Variants in TCERG1L observed in about 807,000 individuals in gnomAD.
TCERG1L encodes the protein transcription elongation regulator 1-like protein.
A neutral mutation model predicts 56.3 loss-of-function variants in TCERG1L; 37 were observed. That is an observed-to-expected ratio of 0.66 (90% CI 0.51 to 0.87). TCERG1L has a LOEUF of 0.87. Among genes scored for constraint, TCERG1L ranks in the 40% least tolerant of loss-of-function variants. The probability of loss-of-function intolerance (pLI) is 0.00; values close to 1 mark genes in which losing one functional copy is unlikely to be tolerated. For synonymous variants in TCERG1L, 324 were observed against 326.3 expected (o/e 0.99, Z 0.08); for missense variants, 799 against 774.2 (o/e 1.03, Z -0.38).
chr10:131,250,756 A>G (rs1846101432), intron 4 of TCERG1L, among the ~76,000 whole-genome samples: 1 of 152,120 alleles, frequency 6.6e-6, no homozygotes, highest in Non-Finnish European at 1.5e-5. Flanking sequence ...GGGAGTGAGA[A>G]GTTCTGCCTG....
At chr10:131,105,880 G>A (rs944325375) in intron 9 of TCERG1L, among the ~76,000 whole-genome samples, 3 of 152,210 alleles carry the variant, frequency 2.0e-5, no homozygotes, top group Non-Finnish European at 2.9e-5. Flanking sequence ...GCGAGCTCCC[G>A]TGGTGGGTTC....
At chr10:131,197,098 G>A (rs925736770) in intron 4 of TCERG1L, among the ~76,000 whole-genome samples, 1 of 152,036 alleles carries the variant, frequency 6.6e-6, no homozygotes, top group African/African-American at 2.4e-5. Flanking sequence ...CAGTGCCAGG[G>A]ACCAGAAGTT....
chr10:131,215,454 T>A (rs1845660603), intron 4 of TCERG1L, among the ~76,000 whole-genome samples: 1 of 152,166 alleles, frequency 6.6e-6, no homozygotes, highest in African/African-American at 2.4e-5. Context: ...TCCACGTAAT[T>A]GGTAAAAGCC....
chr10:131,275,019 C>T (rs1372625978), intron 3 of TCERG1L, among the ~76,000 whole-genome samples: 2 of 152,242 alleles, frequency 1.3e-5, no homozygotes, highest in East Asian at 1.9e-4. Context: ...ATCCTGATCT[C>T]GGGCCACTGA....
intron 4 of TCERG1L, among the ~76,000 whole-genome samples, chr10:131,256,993 GAAAGA>G (rs1564827182): frequency 1.7e-5 from 1 of 59,998 alleles, no homozygotes; most frequent in African/African-American, 6.5e-5. Context: ...AGGAAGGAAG[GAAAGA>G]AAGAAAGAAA....
intron 3 of TCERG1L, among the ~76,000 whole-genome samples, chr10:131,273,806 G>C (rs1846365460): frequency 6.6e-6 from 1 of 152,178 alleles, no homozygotes; most frequent in Non-Finnish European, 1.5e-5. Flanking sequence ...GAGCCAAACG[G>C]AGCTCTGGTG....
chr10:131,219,129 C>T (rs572908836), intron 4 of TCERG1L, among the ~76,000 whole-genome samples: 3 of 152,246 alleles, frequency 2.0e-5, no homozygotes, highest in South Asian at 2.1e-4. Flanking sequence ...AGGCTCCGTC[C>T]CGCAGTCATG....
intron 4 of TCERG1L, among the ~76,000 whole-genome samples, chr10:131,221,240 G>C (rs1845728770): frequency 6.6e-6 from 1 of 152,238 alleles, no homozygotes; most frequent in South Asian, 2.1e-4. Context: ...TGCTGCTGCG[G>C]GGTGGGAGGC....
At chr10:131,193,037 A>G (rs1296296341) in intron 4 of TCERG1L, among the ~76,000 whole-genome samples, 1 of 152,200 alleles carries the variant, frequency 6.6e-6, no homozygotes, top group Non-Finnish European at 1.5e-5. Flanking sequence ...TAAATAAATA[A>G]ATAATAGTTA....
At chr10:131,291,363 TTTAATAATCTCA>T (rs1846619968) in intron 3 of TCERG1L, among the ~76,000 whole-genome samples, 1 of 146,622 alleles carries the variant, frequency 6.8e-6, no homozygotes, top group Non-Finnish European at 1.5e-5. Context: ...GATAGATACC[TTTAATAATCTCA>T]TGTGTATATT....
intron 4 of TCERG1L, among the ~76,000 whole-genome samples, chr10:131,242,308 G>A (rs377680614): frequency 6.6e-6 from 1 of 152,274 alleles, no homozygotes; most frequent in African/African-American, 2.4e-5. Context: ...GAAAAAGGAC[G>A]AGAAATAGAA....
intron 4 of TCERG1L, among the ~76,000 whole-genome samples, chr10:131,187,014 T>A (rs1845251686): frequency 6.6e-6 from 1 of 152,184 alleles, no homozygotes; most frequent in South Asian, 2.1e-4. Context: ...CTGCCCTTCA[T>A]CCCACAGGAG....
intron 4 of TCERG1L, among the ~76,000 whole-genome samples, chr10:131,167,282 A>C (rs1846040993): frequency 6.6e-6 from 1 of 152,306 alleles, no homozygotes; most frequent in East Asian, 1.9e-4. Context: ...ATCTGGTGAC[A>C]ATCACCAGGG....
chr10:131,271,986 CTT>C (rs1469461746), intron 3 of TCERG1L, among the ~76,000 whole-genome samples: 3 of 152,330 alleles, frequency 2.0e-5, no homozygotes, highest in East Asian at 3.9e-4. Flanking sequence ...AGAAATGACT[CTT>C]TGACCAGGAC....
chr10:131,189,934 G>A (rs1199257497), intron 4 of TCERG1L, among the ~76,000 whole-genome samples: 1 of 151,974 alleles, frequency 6.6e-6, no homozygotes, highest in Non-Finnish European at 1.5e-5. Context: ...GATCAGAGCA[G>A]AACTACATTA....
intron 4 of TCERG1L, among the ~76,000 whole-genome samples, chr10:131,217,587 A>T (rs927897901): frequency 6.6e-6 from 1 of 152,222 alleles, no homozygotes; most frequent in Admixed American, 6.5e-5. Context: ...TGCCTGGCCA[A>T]CAGCAGTCAC....
At position 131,111,945 on chromosome 10, in the gene TCERG1L, C is replaced by T. The variant is rs1012371523; in HGVS notation, c.1395+4854G>A. On this transcript the variant is annotated intron_variant, in intron 9 of 11. Coordinates refer to ENST00000368642, the MANE Select transcript of TCERG1L (RefSeq NM_174937.4). ...CCTAGTCATGGGCCCTGCCCCCCAG[C>T]CTCTCTTCTCAGCGCAGGCTGCAGG... Among the ~76,000 whole-genome samples the T allele has an allele frequency of 8.4e-5, 12 of 143,010 alleles. 2 individuals carry two copies. Among genetic ancestry groups the T allele is most frequent in the African/African-American group, 3.0e-4 (12 of 40,528 alleles). The allele number at this position is 143,010 out of a possible 152,430, so 93.8% of individuals were successfully genotyped here. A position where few individuals can be genotyped will look rare whatever the true frequency, so the allele number is the denominator to read the frequency against.
intron 4 of TCERG1L, among the ~76,000 whole-genome samples, chr10:131,181,887 G>C (rs1303515485): frequency 6.6e-6 from 1 of 152,208 alleles, no homozygotes; most frequent in Non-Finnish European, 1.5e-5. Context: ...AAATACATTG[G>C]GAACAACCAT....
intron 6 of TCERG1L, among the ~76,000 whole-genome samples, chr10:131,148,166 A>G (rs1209841711): frequency 6.6e-6 from 1 of 152,252 alleles, no homozygotes; most frequent in Non-Finnish European, 1.5e-5. Context: ...TACAGTTGGG[A>G]TTAGGACCCT....
Sources: allele counts gnomAD v4.1 joint callset (sites outside exome capture counted in the v4.1 genomes callset), GRCh38; gene constraint gnomAD v4.1.1; transcripts MANE v1.5; gene names NCBI Gene and HGNC (gene_info 2026-07-23, HGNC 2026-07-21).